The following FAT4 variants were observed in gnomAD, a reference collection of about 807,000 sequenced individuals.
FAT4 encodes the protein protocadherin Fat 4.
Under a neutral mutation model 303.9 loss-of-function variants are expected in FAT4, and 84 were observed. The ratio of observed to expected loss-of-function variants is 0.28; its 90% CI spans 0.23 to 0.33. The LOEUF is 0.33. FAT4 is among the 10% of genes least tolerant of loss of function. The pLI is 1.00. For missense variants in FAT4, 6,005 were observed against 6,146.8 expected (o/e 0.98, Z 0.77); for synonymous variants, 2,307 against 2,298.8 (o/e 1.00, Z -0.10).
intron 12 of FAT4, among the ~76,000 whole-genome samples, chr4:125,474,661 G>A (rs138105926): frequency 3.0e-4 from 45 of 151,840 alleles, no homozygotes; most frequent in African/African-American, 1.1e-3. Context: ...ATTAATAAAT[G>A]GATTATACAT....
At position 125,468,867 on chromosome 4, in the gene FAT4, A is replaced by G. The variant is rs34927272; in HGVS notation, c.12213+48A>G. 0.39 allele frequency: 603,276 copies of G among 1,537,594 alleles called. 119,627 individuals are homozygous for G. The highest frequency in any genetic ancestry group is 0.4 in the Non-Finnish European group (455,652 of 1,131,494). On this transcript the variant is annotated intron_variant, in intron 12 of 17. Coordinates refer to ENST00000394329, the MANE Select transcript of FAT4 (RefSeq NM_001291303.3). ...TGTTGTATATCCAACTGGATCTTCA[A>G]ATAAAGTATGAATTGGGGTGCAAAT... is the stretch of plus-strand genomic sequence containing the variant.
intron 8 of FAT4, among the ~76,000 whole-genome samples, chr4:125,439,349 T>G (rs1725567307): frequency 6.6e-6 from 1 of 151,618 alleles, no homozygotes; most frequent in African/African-American, 2.4e-5. Context: ...TTTTTTTTTT[T>G]TGAGATGGAG....
chr4:125,490,267 G>A lies in FAT4; in HGVS notation c.13451G>A (p.Gly4484Glu), dbSNP rs746583821. The A allele has an allele frequency of 5.6e-6, 9 of 1,614,108 alleles. No homozygotes were observed. Among genetic ancestry groups the A allele is most frequent in the Non-Finnish European group, 7.6e-6 (9 of 1,180,036 alleles). Reference protein sequence around the residue: ...LCPQGKVCKAGSPAGHVCVLS... With the variant: ...LCPQGKVCKAESPAGHVCVLS... ...CCTCAGGGGAAGGTGTGCAAAGCTGGAAGTCCTGCGGGGCATGTCTGTGTT... is the reference window on the plus strand; with the variant it reads ...CCTCAGGGGAAGGTGTGCAAAGCTGAAAGTCCTGCGGGGCATGTCTGTGTT... Residue 4484 changes from glycine to glutamate, a missense_variant, in exon 18 of 18, where the codon GGA (glycine) becomes GAA (glutamate). Coordinates refer to ENST00000394329, the MANE Select transcript of FAT4 (RefSeq NM_001291303.3).
At chr4:125,326,667 G>A (rs977122740) in intron 2 of FAT4, among the ~76,000 whole-genome samples, 1 of 152,112 alleles carries the variant, frequency 6.6e-6, no homozygotes, top group African/African-American at 2.4e-5. Flanking sequence ...TAAGAGAAAA[G>A]CTCTTTGCCC....
rs1341549462 is a variant in FAT4, at chr4:125,454,984, GT to G, written c.11800+2176del. ...AAGACATGAAACCTGTGTAGCGGAA[GT>G]TAACTGTGAGTCTTATGAGAGTTAT... On this transcript the variant is annotated intron_variant, in intron 10 of 17. Transcript: ENST00000394329. 3.9e-5 allele frequency among the ~76,000 whole-genome samples: 6 copies of G among 152,154 alleles called. No individual in the cohort carries two copies. In the East Asian group the frequency reaches 1.2e-3, roughly 29 times the overall value.
intron 7 of FAT4, among the ~76,000 whole-genome samples, chr4:125,427,353 CTTTA>C (rs1560815778): frequency 1.3e-5 from 2 of 151,026 alleles, no homozygotes; most frequent in African/African-American, 4.9e-5. Context: ...TACTTCATGC[CTTTA>C]TTTAGTATGT....
At position 125,430,559 on chromosome 4, in the gene FAT4, A is replaced by G. The variant is rs571853338; in HGVS notation, c.7019-3686A>G. Among the ~76,000 whole-genome samples, 65 of 152,254 alleles carry G rather than the reference A, an allele frequency of 4.3e-4. No homozygotes were observed. In the Middle Eastern group the frequency reaches 0.01, roughly 24 times the overall value. ...CAAAATTTCTGTAAGGTTTCCTATG[A>G]AAAAAAATTTTTAAAACTAACAAGA... On this transcript the variant is annotated intron_variant, in intron 7 of 17. Coordinates refer to ENST00000394329, the MANE Select transcript of FAT4 (RefSeq NM_001291303.3).
At chr4:125,425,504 C>G (rs1050397830) in intron 7 of FAT4, among the ~76,000 whole-genome samples, 12 of 152,038 alleles carry the variant, frequency 7.9e-5, no homozygotes, top group Non-Finnish European at 1.8e-4. Flanking sequence ...GTGGTTCTCT[C>G]TAAGTAAAAT....
chr4:125,336,005 T>TA (rs1406447268), intron 2 of FAT4, among the ~76,000 whole-genome samples: 1 of 152,016 alleles, frequency 6.6e-6, no homozygotes, highest in African/African-American at 2.4e-5. Context: ...AAGGCAATGA[T>TA]AAAAAAATGT....
At chr4:125,393,229 A>G (rs1734039239) in intron 2 of FAT4, among the ~76,000 whole-genome samples, 1 of 152,166 alleles carries the variant, frequency 6.6e-6, no homozygotes, top group Non-Finnish European at 1.5e-5. Flanking sequence ...TCATTAAGAA[A>G]CATTTGATTT....
In FAT4 at chr4:125,317,668, A is replaced by G; in HGVS notation, c.1257A>G (p.Leu419=). The change falls in exon 2 of 18, where the codon CTA becomes CTG. Residue 419 remains leucine (L), a synonymous_variant. Coordinates refer to ENST00000394329, the MANE Select transcript of FAT4 (RefSeq NM_001291303.3). This position sits in a 1 kb window ranked among gnomAD's most constrained non-coding sequence, Gnocchi z 7.0. ...GCAGCAAAGTGCCGAACCTGAGCCT[A>G]ATCAAGGTGGCCAGCGCCTTGGACC... The part of the protein sequence containing the change: ...VQSSKVPNLS[L]IKVASALDRE... The G allele has an allele frequency of 6.2e-7, 1 of 1,614,020 alleles. No homozygotes were observed. The highest frequency in any genetic ancestry group is 8.5e-7 in the Non-Finnish European group (1 of 1,179,978).
Position 125,451,488 on chromosome 4 carries a change from C to T in FAT4, c.10478C>T (p.Thr3493Ile), listed in dbSNP as rs759705444. 3.1e-6 allele frequency: 5 copies of T among 1,614,154 alleles called. No individual in the cohort carries two copies. Among genetic ancestry groups the T allele is most frequent in the Non-Finnish European group, 4.2e-6 (5 of 1,180,014 alleles). Residue 3493 changes from threonine to isoleucine, a missense_variant, in exon 10 of 18, where the codon ACA (threonine) becomes ATA (isoleucine). By Grantham distance (89) the Thr-to-Ile change is moderately conservative. Coordinates refer to ENST00000394329, the MANE Select transcript of FAT4 (RefSeq NM_001291303.3). Reference protein sequence around the residue: ...LAVDSGTPSATGSASLLVTLE... With the variant: ...LAVDSGTPSAIGSASLLVTLE... The stretch of plus-strand genomic sequence containing the variant: ...GTTGATTCAGGGACCCCCTCAGCTA[C>T]AGGTAGTGCCTCTTTATTAGTCACC...
chr4:125,353,720 G>C (rs1352607019), intron 2 of FAT4, among the ~76,000 whole-genome samples: 1 of 151,550 alleles, frequency 6.6e-6, no homozygotes, highest in Non-Finnish European at 1.5e-5. Flanking sequence ...TCTATAATAT[G>C]ACTTATATGC....
At chr4:125,443,409 C>A (rs570197012) in intron 8 of FAT4, among the ~76,000 whole-genome samples, 6 of 152,118 alleles carry the variant, frequency 3.9e-5, no homozygotes, top group Non-Finnish European at 7.4e-5. Context: ...TCACTACATT[C>A]CCTCAGTTGA....
intron 8 of FAT4, among the ~76,000 whole-genome samples, chr4:125,441,617 T>C (rs527808700): frequency 1.1e-4 from 16 of 152,330 alleles, no homozygotes; most frequent in African/African-American, 3.8e-4. Context: ...CTGGAGTCAG[T>C]GAATTAAAGG....
chr4:125,334,755 A>T (rs2125961491), intron 2 of FAT4, among the ~76,000 whole-genome samples: 1 of 152,288 alleles, frequency 6.6e-6, no homozygotes, highest in African/African-American at 2.4e-5. Context: ...ATATGGTCAT[A>T]GAATTTTCCT....
At chr4:125,330,442 A>T (rs1286663736) in intron 2 of FAT4, among the ~76,000 whole-genome samples, 1 of 152,124 alleles carries the variant, frequency 6.6e-6, no homozygotes, top group Non-Finnish European at 1.5e-5. Context: ...TCTCTTTTTA[A>T]TCAATTTCAC....
intron 2 of FAT4, among the ~76,000 whole-genome samples, chr4:125,343,359 G>A (rs563686696): frequency 6.6e-6 from 1 of 152,038 alleles, no homozygotes; most frequent in South Asian, 2.1e-4. Flanking sequence ...CAGCATCCAG[G>A]GCTAGAACCC....
rs904600085 is a variant in FAT4 at position 125,358,085 on chromosome 4, T to C, written c.5175+36499T>C. On this transcript the variant is annotated intron_variant, in intron 2 of 17. Transcript: ENST00000394329. ...TCCAGTGTGATTATAAGTGAGTATA[T>C]AGGAAAAAAAGAAATGAAATTAACC... 3.6e-4 allele frequency among the ~76,000 whole-genome samples: 54 copies of C among 151,290 alleles called. 1 individual carries two copies. Among genetic ancestry groups the C allele is most frequent in the African/African-American group, 1.3e-3 (54 of 41,372 alleles).
Sources: allele counts gnomAD v4.1 joint callset (sites outside exome capture counted in the v4.1 genomes callset), GRCh38; gene constraint gnomAD v4.1.1; non-coding constraint Gnocchi (gnomAD v3.1); transcripts MANE v1.5; gene names NCBI Gene and HGNC (gene_info 2026-07-23, HGNC 2026-07-21).